The following GABRA4 variants were observed in gnomAD, a reference collection of about 807,000 sequenced individuals.
GABRA4 encodes the protein gamma-aminobutyric acid type A receptor subunit alpha4.
A neutral mutation model predicts 49.7 loss-of-function variants in GABRA4; 12 were observed. The ratio of observed to expected loss-of-function variants is 0.24; its 90% CI spans 0.15 to 0.39. The LOEUF (loss-of-function observed/expected upper bound fraction) is 0.39. GABRA4 is among the 10% of genes least tolerant of loss of function. GABRA4 has a pLI of 1.00. For missense variants in GABRA4, 506 were observed against 686.0 expected, an observed-to-expected ratio of 0.74 and a Z score of 2.93; for synonymous variants, 288 against 240.2, an observed-to-expected ratio of 1.20 and a Z score of -1.84.
At chr4:46,985,456 T>A (rs1030040391) in intron 2 of GABRA4, among the ~76,000 whole-genome samples, 2 of 152,024 alleles carry the variant, frequency 1.3e-5, no homozygotes, top group African/African-American at 4.8e-5. Flanking sequence ...AGGCTACATA[T>A]GGGCCAATAA....
chr4:46,938,514 T>C (rs1560464438), intron 8 of GABRA4, among the ~76,000 whole-genome samples: 1 of 152,114 alleles, frequency 6.6e-6, no homozygotes, highest in Non-Finnish European at 1.5e-5. Flanking sequence ...TCAGGAATTA[T>C]AAGCCATGTA....
At chr4:46,950,716 AAAAT>A (rs57199994) in intron 8 of GABRA4, among the ~76,000 whole-genome samples, 9 of 140,270 alleles carry the variant, frequency 6.4e-5, no homozygotes, top group African/African-American at 1.6e-4. Flanking sequence ...ATTCTCTAAG[AAAAT>A]AAATAAATAA....
At chr4:46,975,174 G>A (rs529799470) in intron 5 of GABRA4, among the ~76,000 whole-genome samples, 1 of 152,000 alleles carries the variant, frequency 6.6e-6, no homozygotes, top group South Asian at 2.1e-4. Context: ...GAACCAAAAT[G>A]AATTGTGTGC....
intron 8 of GABRA4, among the ~76,000 whole-genome samples, chr4:46,948,178 C>T (rs900131043): frequency 6.6e-6 from 1 of 152,028 alleles, no homozygotes; most frequent in Admixed American, 6.6e-5. Flanking sequence ...TAATAGTGAA[C>T]CTGGTAGACC....
chr4:46,963,612 G>C lies in GABRA4; in HGVS notation c.1134+1358C>G, dbSNP rs892228848. 5.3e-5 allele frequency among the ~76,000 whole-genome samples: 8 copies of C among 151,720 alleles called. No homozygotes were observed. In the East Asian group the frequency reaches 1.4e-3, roughly 26 times the overall value. On this transcript the variant is annotated intron_variant, in intron 8 of 8. Coordinates refer to ENST00000264318, the MANE Select transcript of GABRA4 (RefSeq NM_000809.4). ...AAACCTCTTTTTGTTCCCAGTTTCA[G>C]GTATGTCATGATCAGCAGTGTGAAA... is the stretch of plus-strand genomic sequence containing the variant.
chr4:46,978,407 G>T (rs1390402252), intron 3 of GABRA4, among the ~76,000 whole-genome samples: 2 of 151,918 alleles, frequency 1.3e-5, no homozygotes, highest in South Asian at 2.1e-4. Flanking sequence ...AGAAAAAACA[G>T]CCGGGCACGG....
intron 5 of GABRA4, among the ~76,000 whole-genome samples, chr4:46,974,832 A>G (rs892522837): frequency 2.6e-4 from 40 of 152,038 alleles, no homozygotes; most frequent in African/African-American, 9.4e-4. Context: ...TAACAAAACC[A>G]AACAAATCCT....
intron 5 of GABRA4, 142 bp downstream of exon 5, chr4:46,976,919 T>C: frequency 1.8e-6 from 1 of 548,884 alleles, no homozygotes. Context: ...TATTAGTTAA[T>C]GAAATCTCCA....
Position 46,928,765 on chromosome 4 carries a change from T to C in GABRA4, c.1135-10A>G. 6.3e-7 allele frequency: 1 copy of C among 1,575,574 alleles called. No homozygotes were observed. The highest frequency in any genetic ancestry group is 8.7e-7 in the Non-Finnish European group (1 of 1,153,002). On this transcript the variant is annotated splice_polypyrimidine_tract_variant and intron_variant, in intron 8 of 8. Transcript: ENST00000264318. The stretch of plus-strand genomic sequence containing the variant: ...AATTGGCATTTGTATTCTGAAAAGG[T>C]ATATGAAAAAATATATTGGTTATGT...
chr4:46,977,003 A>C, intron 5 of GABRA4, 58 bp downstream of exon 5: 1 of 951,666 alleles, frequency 1.1e-6, no homozygotes, highest in Non-Finnish European at 1.7e-6. Flanking sequence ...ATACATGTGT[A>C]AATATTAGCT....
At chr4:46,928,953 A>C (rs1721336459) in intron 8 of GABRA4, among the ~76,000 whole-genome samples, 198 bp from the exon 9 acceptor site, 1 of 152,066 alleles carries the variant, frequency 6.6e-6, no homozygotes, top group Admixed American at 6.6e-5. Flanking sequence ...ACTTTGAATC[A>C]AAAATCTTCT....
At position 46,973,219 on chromosome 4, in the gene GABRA4, G is replaced by C. The variant is rs563730347; in HGVS notation, c.721+1013C>G. Among the ~76,000 whole-genome samples the C allele has an allele frequency of 3.3e-5, 5 of 151,818 alleles. No homozygotes were observed. In the South Asian group the frequency reaches 1.0e-3, roughly 32 times the overall value. ...TATTGCTATGGTCTAAATGTTTGTGGTCCTCAAAGTTCAGATGTTGAAACA... is the reference window on the plus strand; with the variant it reads ...TATTGCTATGGTCTAAATGTTTGTGCTCCTCAAAGTTCAGATGTTGAAACA... On this transcript the variant is annotated intron_variant, in intron 6 of 8. Coordinates refer to ENST00000264318, the MANE Select transcript of GABRA4 (RefSeq NM_000809.4).
chr4:46,989,819 C>A (rs1723680627), intron 2 of GABRA4, among the ~76,000 whole-genome samples: 1 of 152,122 alleles, frequency 6.6e-6, no homozygotes, highest in Non-Finnish European at 1.5e-5. Context: ...ATATTTATAG[C>A]CTACTAGTCA....
At chr4:46,929,408 A>T (rs914021198) in intron 8 of GABRA4, among the ~76,000 whole-genome samples, 5 of 152,082 alleles carry the variant, frequency 3.3e-5, no homozygotes, top group African/African-American at 1.2e-4. Context: ...ATTTAATTAG[A>T]AAAAGGTTGT....
intron 2 of GABRA4, among the ~76,000 whole-genome samples, chr4:46,989,841 G>T (rs1389036538): frequency 6.6e-6 from 1 of 152,100 alleles, no homozygotes; most frequent in Non-Finnish European, 1.5e-5. Context: ...AATCTGGATT[G>T]TTTTCATTTT....
At position 46,926,964 on chromosome 4, in the gene GABRA4, A is replaced by G. The variant is rs1461953664; in HGVS notation, c.*1261T>C. On this transcript the variant is annotated 3_prime_UTR_variant, in exon 9 of 9. Coordinates refer to ENST00000264318, the MANE Select transcript of GABRA4 (RefSeq NM_000809.4). ...AACTCCCAAAAAAACCAACATGATGACTGCCCAGAATTACAGAACTACGGA... is the reference window on the plus strand; with the variant it reads ...AACTCCCAAAAAAACCAACATGATGGCTGCCCAGAATTACAGAACTACGGA... The G allele has an allele frequency of 6.6e-6, 1 of 151,944 alleles. No homozygotes were observed. Among genetic ancestry groups the G allele is most frequent in the African/African-American group, 2.4e-5 (1 of 41,424 alleles). The allele number at this position is 151,944 out of a possible 1,614,324, so 9.4% of individuals were successfully genotyped here.
intron 2 of GABRA4, among the ~76,000 whole-genome samples, chr4:46,991,381 C>T (rs376085030): frequency 5.3e-5 from 8 of 152,064 alleles, no homozygotes; most frequent in South Asian, 2.1e-4. Flanking sequence ...TAAATGAGAC[C>T]AGATGCCAAA....
At chr4:46,966,833 G>A (rs1460500456) in intron 7 of GABRA4, among the ~76,000 whole-genome samples, 2 of 151,706 alleles carry the variant, frequency 1.3e-5, no homozygotes, top group South Asian at 2.1e-4. Flanking sequence ...AAAATATTTT[G>A]TGACATTGTT....
intron 2 of GABRA4, among the ~76,000 whole-genome samples, chr4:46,987,864 A>T (rs1034088258): frequency 1.3e-5 from 2 of 152,054 alleles, no homozygotes; most frequent in Non-Finnish European, 2.9e-5. Context: ...CATTCCCTCC[A>T]TTTAGAAAAC....
Sources: allele counts gnomAD v4.1 joint callset (sites outside exome capture counted in the v4.1 genomes callset), GRCh38; gene constraint gnomAD v4.1.1; transcripts MANE v1.5; gene names NCBI Gene and HGNC (gene_info 2026-07-23, HGNC 2026-07-21).